The following UGT2A1 variants were observed in gnomAD, a reference collection of about 807,000 sequenced individuals.
UGT2A1 encodes the protein UDP glucuronosyltransferase family 2 member A1 complex locus.
Under a neutral mutation model 45.4 loss-of-function variants are expected in UGT2A1, and 61 were observed. That is an observed-to-expected ratio of 1.34 (90% CI 1.09 to 1.66). The LOEUF (loss-of-function observed/expected upper bound fraction) is 1.66. Ranked by LOEUF, UGT2A1 falls within the 40% of genes most tolerant of loss-of-function variation. The probability of loss-of-function intolerance (pLI) is 0.00; values close to 1 mark genes in which losing one functional copy is unlikely to be tolerated. For synonymous variants in UGT2A1, 229 were observed against 196.2 expected (o/e 1.17, Z -1.40); for missense variants, 649 against 574.3 (o/e 1.13, Z -1.33).
Position 69,603,973 on chromosome 4 carries a change from A to G in UGT2A1, c.848-4579T>C, listed in dbSNP as rs1267247104. 1.5e-5 allele frequency among the ~76,000 whole-genome samples: 2 copies of G among 136,774 alleles called. 1 individual carries two copies. The highest frequency in any genetic ancestry group is 3.1e-5 in the Non-Finnish European group (2 of 64,258). The allele number at this position is 136,774 out of a possible 152,430, so 89.7% of individuals were successfully genotyped here. A position where few individuals can be genotyped will look rare whatever the true frequency, so the allele number is the denominator to read the frequency against. On this transcript the variant is annotated intron_variant, in intron 3 of 6. Coordinates refer to ENST00000286604, the MANE Select transcript of UGT2A1 (RefSeq NM_001252275.3). ...ACCTGAAAGTGATGGGGAGAATGGA[A>G]CCAAGTTGGAAAACACTCTGCAGGA...
chr4:69,599,572 G>A (rs563517526), intron 3 of UGT2A1, 178 bp from the exon 4 acceptor site: 2 of 873,160 alleles, frequency 2.3e-6, no homozygotes, highest in Non-Finnish European at 1.6e-6. Context: ...ATGGAAGAAA[G>A]GAAGGAGGAA....
intron 3 of UGT2A1, among the ~76,000 whole-genome samples, chr4:69,615,737 CA>C (rs1720340619): frequency 6.6e-6 from 1 of 151,784 alleles, no homozygotes; most frequent in Admixed American, 6.6e-5. Flanking sequence ...AACAAACAGA[CA>C]GACAAAAAAA....
chr4:69,651,280 T>TA (rs1578013632), intron 1 of UGT2A1, among the ~76,000 whole-genome samples: 1 of 152,176 alleles, frequency 6.6e-6, no homozygotes, highest in Non-Finnish European at 1.5e-5. Flanking sequence ...ACTCTGATCT[T>TA]AAAATCACTG....
At position 69,589,197 on chromosome 4, in the gene UGT2A1, T is replaced by C. The variant is rs1385991559; in HGVS notation, c.*175A>G. ...ACTATAACTCACAAGTTAATAATAA[T>C]CATGCCAAAATCTAGGCTTTATCAG... On this transcript the variant is annotated 3_prime_UTR_variant, in exon 7 of 7. Coordinates refer to ENST00000286604, the MANE Select transcript of UGT2A1 (RefSeq NM_001252275.3). 4 of 803,196 alleles carry C rather than the reference T, an allele frequency of 5.0e-6. No homozygotes were observed. The South Asian group carries it at 9.4e-5, about 19-fold the overall frequency. The allele number at this position is 803,196 out of a possible 1,614,324, so 49.8% of individuals were successfully genotyped here.
intron 6 of UGT2A1, among the ~76,000 whole-genome samples, chr4:69,590,995 T>C (rs1177168697): frequency 6.6e-6 from 1 of 152,200 alleles, no homozygotes; most frequent in Non-Finnish European, 1.5e-5. Context: ...TACTCTACAC[T>C]ATACCTTGTG....
At chr4:69,603,390 C>A (rs1414401311) in intron 3 of UGT2A1, among the ~76,000 whole-genome samples, 1 of 136,712 alleles carries the variant, frequency 7.3e-6, no homozygotes, top group Admixed American at 7.2e-5. Context: ...AGTGATGGGA[C>A]AGCTCCTTAC....
chr4:69,615,543 C>G (rs1266325319), intron 3 of UGT2A1, among the ~76,000 whole-genome samples: 1 of 151,878 alleles, frequency 6.6e-6, no homozygotes, highest in African/African-American at 2.4e-5. Context: ...AATGAGTAAT[C>G]AAAAAGAAAT....
chr4:69,592,956 C>A (rs182361811), intron 6 of UGT2A1, among the ~76,000 whole-genome samples: 51 of 152,088 alleles, frequency 3.4e-4, no homozygotes, highest in African/African-American at 1.2e-3. Context: ...TAAAAAGTAA[C>A]TATTTCTTTT....
chr4:69,589,820 A>G (rs929954716), intron 6 of UGT2A1, among the ~76,000 whole-genome samples, 169 bp from the exon 7 acceptor site: 1 of 152,230 alleles, frequency 6.6e-6, no homozygotes, highest in South Asian at 2.1e-4. Context: ...GAGTTACAAA[A>G]AGGAAGATAT....
chr4:69,603,188 A>G (rs375702761), intron 3 of UGT2A1, among the ~76,000 whole-genome samples: 3 of 137,546 alleles, frequency 2.2e-5, no homozygotes, highest in East Asian at 4.1e-4. Flanking sequence ...CATACGGAAA[A>G]GCAAAGAGCC....
intron 4 of UGT2A1, among the ~76,000 whole-genome samples, chr4:69,598,045 T>C (rs944741976): frequency 2.0e-5 from 3 of 152,172 alleles, no homozygotes; most frequent in African/African-American, 7.2e-5. Context: ...TAATAGGGTG[T>C]CATGGGTCAT....
intron 3 of UGT2A1, among the ~76,000 whole-genome samples, chr4:69,609,155 A>T (rs1009619970): frequency 7.7e-5 from 11 of 142,304 alleles, no homozygotes; most frequent in East Asian, 6.3e-4. Context: ...AATATATAAG[A>T]TTTTTTTTTT....
intron 3 of UGT2A1, among the ~76,000 whole-genome samples, chr4:69,630,440 A>T (rs986706536): frequency 6.6e-6 from 1 of 152,094 alleles, no homozygotes; most frequent in African/African-American, 2.4e-5. Context: ...ACCACAAGCC[A>T]TAGTTTTTAT....
intron 3 of UGT2A1, among the ~76,000 whole-genome samples, chr4:69,602,415 G>T (rs750884414): frequency 4.5e-5 from 6 of 134,334 alleles, no homozygotes; most frequent in Non-Finnish European, 9.5e-5. Context: ...ATACTTTACT[G>T]CAGTTAAACA....
At chr4:69,615,777 T>A (rs960644748) in intron 3 of UGT2A1, among the ~76,000 whole-genome samples, 3 of 151,738 alleles carry the variant, frequency 2.0e-5, no homozygotes, top group Admixed American at 2.0e-4. Flanking sequence ...GGTGAGGATA[T>A]GGAAAAAGGG....
intron 3 of UGT2A1, among the ~76,000 whole-genome samples, chr4:69,630,806 T>C (rs1333537827): frequency 3.3e-5 from 5 of 152,122 alleles, no homozygotes; most frequent in African/African-American, 4.8e-5. Context: ...GAGGAATTCC[T>C]GATTTACCAA....
At chr4:69,621,711 T>C (rs538393531) in intron 3 of UGT2A1, among the ~76,000 whole-genome samples, 254 of 152,070 alleles carry the variant, frequency 1.7e-3, no homozygotes, top group African/African-American at 6.0e-3. Context: ...TGAATGTTCA[T>C]TTCAGCATGA....
At chr4:69,627,741 T>C (rs1408474374) in intron 3 of UGT2A1, among the ~76,000 whole-genome samples, 1 of 151,868 alleles carries the variant, frequency 6.6e-6, no homozygotes, top group Non-Finnish European at 1.5e-5. Context: ...TATCAAATTA[T>C]GAGCAAACTG....
intron 3 of UGT2A1, among the ~76,000 whole-genome samples, chr4:69,626,583 C>T (rs535963114): frequency 6.6e-6 from 1 of 151,408 alleles, no homozygotes; most frequent in African/African-American, 2.4e-5. Flanking sequence ...CTTAGTGACA[C>T]GCAGTATACT....
Sources: gnomAD v4.1 joint callset for allele counts (sites outside exome capture counted in the v4.1 genomes callset) on GRCh38, gnomAD v4.1.1 for gene constraint, MANE v1.5 for transcripts, NCBI Gene and HGNC (gene_info 2026-07-23, HGNC 2026-07-21) for gene names.